The following KIDINS220 variants were observed in gnomAD, a reference collection of about 807,000 sequenced individuals.
The protein encoded by KIDINS220 is kinase D interacting substrate 220.
In KIDINS220, 63 loss-of-function variants were observed where a neutral mutation model predicts 157.6. The observed-to-expected ratio is 0.40, with a 90% CI of 0.33 to 0.49. The LOEUF is 0.49. KIDINS220 is among the 20% of genes least tolerant of loss of function. KIDINS220 has a pLI of 0.66. For missense variants in KIDINS220, 1,772 were observed against 2,171.2 expected (o/e 0.82, Z 3.65); for synonymous variants, 732 against 783.6 (o/e 0.93, Z 1.10).
intron 8 of KIDINS220, among the ~76,000 whole-genome samples, chr2:8,802,044 C>G (rs757796905): frequency 1.9e-4 from 29 of 152,270 alleles, no homozygotes; most frequent in Admixed American, 1.0e-3. Flanking sequence ...GCTGCAAAGG[C>G]CCCACAGCAG....
intron 22 of KIDINS220, among the ~76,000 whole-genome samples, chr2:8,755,144 C>T (rs1002109701): frequency 1.3e-5 from 2 of 152,228 alleles, no homozygotes; most frequent in Non-Finnish European, 2.9e-5. Flanking sequence ...TTTATACACC[C>T]ACTGCCATCT....
At chr2:8,775,624 G>A (rs1380089400) in intron 21 of KIDINS220, among the ~76,000 whole-genome samples, 1 of 152,176 alleles carries the variant, frequency 6.6e-6, no homozygotes, top group Non-Finnish European at 1.5e-5. Flanking sequence ...ACTGAACTGA[G>A]AGCAAGAGAT....
chr2:8,806,032 T>C (rs1675394632), intron 7 of KIDINS220, among the ~76,000 whole-genome samples: 1 of 152,208 alleles, frequency 6.6e-6, no homozygotes, highest in South Asian at 2.1e-4. Flanking sequence ...AGCTATTCTT[T>C]ATACTTTTAG....
chr2:8,759,372 T>C (rs1668453389), intron 22 of KIDINS220, among the ~76,000 whole-genome samples: 1 of 151,860 alleles, frequency 6.6e-6, no homozygotes, highest in Admixed American at 6.6e-5. Flanking sequence ...TACTCGACAT[T>C]AAACAAAAAC....
At chr2:8,790,859 G>A (rs1458424246) in intron 13 of KIDINS220, among the ~76,000 whole-genome samples, 1 of 152,198 alleles carries the variant, frequency 6.6e-6, no homozygotes, top group Non-Finnish European at 1.5e-5. Flanking sequence ...AGGGTTTTAT[G>A]TGGGGTTATC....
rs752251477 is a variant in KIDINS220, at chr2:8,796,884, A to G, written c.1000-15T>C. On this transcript the variant is annotated splice_polypyrimidine_tract_variant and intron_variant, in intron 10 of 29. Transcript: ENST00000256707. ...GTTTCACCATCCTGTGGGCACAAAT[A>G]AGAACATTTGCCAGATTAATAGCTT... 1 of 1,593,490 alleles carries G rather than the reference A, an allele frequency of 6.3e-7. No individual in the cohort carries two copies. Among genetic ancestry groups the G allele is most frequent in the African/African-American group, 1.3e-5 (1 of 74,484 alleles).
intron 22 of KIDINS220, among the ~76,000 whole-genome samples, chr2:8,753,691 A>C (rs1667648853): frequency 6.6e-6 from 1 of 152,220 alleles, no homozygotes; most frequent in African/African-American, 2.4e-5. Flanking sequence ...CAAAAAGTGA[A>C]ATGGGAACCT....
intron 2 of KIDINS220, among the ~76,000 whole-genome samples, chr2:8,825,575 A>G (rs1313005596): frequency 6.6e-6 from 1 of 152,154 alleles, no homozygotes; most frequent in African/African-American, 2.4e-5. Flanking sequence ...ATACAAACAC[A>G]TAAGTATATA....
intron 22 of KIDINS220, chr2:8,757,403 T>C (rs1164660002): frequency 3.4e-6 from 4 of 1,183,606 alleles, no homozygotes; most frequent in Non-Finnish European, 4.2e-6. Context: ...GTTCAGTAAA[T>C]GCCAACAGTC....
chr2:8,731,550 A>G lies in KIDINS220; in HGVS notation c.4486T>C (p.Ser1496Pro). 6.2e-7 allele frequency: 1 copy of G among 1,614,142 alleles called. No homozygotes were observed. Among genetic ancestry groups the G allele is most frequent in the Non-Finnish European group, 8.5e-7 (1 of 1,180,008 alleles). The change falls in exon 30 of 30, where the codon TCT (serine) becomes CCT (proline). Residue 1496 changes from serine to proline, a missense_variant. By Grantham distance (74) the Ser-to-Pro change is moderately conservative (BLOSUM62 -1). Coordinates refer to ENST00000256707, the MANE Select transcript of KIDINS220 (RefSeq NM_020738.4). The surrounding 1 kb of genome is among the most constrained non-coding windows in gnomAD (Gnocchi z 5.2). ...SGSKLLPGKK[S>P]SERSSLFQTD... ...TGGAAGAGGCTTGACCTTTCGGAAGATTTCTTGCCTGGGAGAAGCTTACTG... is the reference window on the plus strand; with the variant it reads ...TGGAAGAGGCTTGACCTTTCGGAAGGTTTCTTGCCTGGGAGAAGCTTACTG...
At chr2:8,801,252 G>A (rs1186038126) in intron 8 of KIDINS220, among the ~76,000 whole-genome samples, 1 of 152,154 alleles carries the variant, frequency 6.6e-6, no homozygotes, top group African/African-American at 2.4e-5. Flanking sequence ...TGTTGAATGA[G>A]CCCATGGGCT....
intron 4 of KIDINS220, among the ~76,000 whole-genome samples, chr2:8,815,111 A>C (rs1308847893): frequency 1.3e-5 from 2 of 152,188 alleles, no homozygotes; most frequent in East Asian, 3.8e-4. Context: ...CAATTTGAAT[A>C]ATGTCCCAGC....
Position 8,730,215 on chromosome 2 carries a change from C to T in KIDINS220, c.*505G>A, listed in dbSNP as rs964782599. Reference sequence around the variant, plus strand: ...TAAGCAATACCCCTGCCATACAGAACGCTGGATCTCGGTTTACTCAGCCTC... The same window carrying T: ...TAAGCAATACCCCTGCCATACAGAATGCTGGATCTCGGTTTACTCAGCCTC... On this transcript the variant is annotated 3_prime_UTR_variant, in exon 30 of 30. Coordinates refer to ENST00000256707, the MANE Select transcript of KIDINS220 (RefSeq NM_020738.4). The T allele has an allele frequency of 1.5e-5, 15 of 987,740 alleles. No homozygotes were observed. The highest frequency in any genetic ancestry group is 5.2e-4 in the Middle Eastern group (1 of 1,920). 61.2% of individuals were successfully genotyped at this position (987,740 alleles called of 1,614,324 possible). A position where few individuals can be genotyped will look rare whatever the true frequency, so the allele number is the denominator to read the frequency against.
intron 22 of KIDINS220, among the ~76,000 whole-genome samples, chr2:8,764,121 T>C (rs974335242): frequency 3.9e-5 from 6 of 152,238 alleles, no homozygotes; most frequent in Non-Finnish European, 1.5e-5. Context: ...AGGCCATTAT[T>C]CTAAGTGAAG....
chr2:8,802,496 A>AT (rs762122956), intron 8 of KIDINS220, among the ~76,000 whole-genome samples: 7 of 152,250 alleles, frequency 4.6e-5, no homozygotes, highest in Non-Finnish European at 8.8e-5. Flanking sequence ...AAGAGGCTGA[A>AT]TGATGGTACC....
rs769937382 is a variant in KIDINS220 at position 8,730,777 on chromosome 2, A to G, written c.5259T>C (p.His1753=). ...CTGTGCTCTCAGAAGAGGCTGCTGC[A>G]TGGAGCTCCGGAGGATCTTTGGAGA... ...TRLSKDPPEL[H]AAASSESTGF... The change falls in exon 30 of 30, where the codon CAT becomes CAC. Residue 1753 remains histidine, a synonymous_variant. Coordinates refer to ENST00000256707, the MANE Select transcript of KIDINS220 (RefSeq NM_020738.4). 3 of 1,614,230 alleles carry G rather than the reference A, an allele frequency of 1.9e-6. No homozygotes were observed. Among genetic ancestry groups the G allele is most frequent in the East Asian group, 2.2e-5 (1 of 44,890 alleles).
intron 8 of KIDINS220, 134 bp from the exon 9 acceptor site, chr2:8,800,632 G>C: frequency 3.2e-6 from 2 of 631,196 alleles, no homozygotes; most frequent in Admixed American, 3.0e-5. Flanking sequence ...CTAAATAAGA[G>C]AAAAATGTTA....
intron 25 of KIDINS220, 194 bp from the exon 26 acceptor site, chr2:8,747,395 C>A: frequency 1.8e-6 from 1 of 568,950 alleles, no homozygotes; most frequent in Non-Finnish European, 3.1e-6. Flanking sequence ...TCAGGAACCT[C>A]TAATATTTTG....
chr2:8,764,906 G>A (rs1669260030), intron 22 of KIDINS220, among the ~76,000 whole-genome samples: 1 of 152,178 alleles, frequency 6.6e-6, no homozygotes, highest in Non-Finnish European at 1.5e-5. Flanking sequence ...GTCTCATTCA[G>A]GAGACAAATA....
Sources: gnomAD v4.1 joint callset for allele counts (sites outside exome capture counted in the v4.1 genomes callset) on GRCh38, gnomAD v4.1.1 for gene constraint, Gnocchi (gnomAD v3.1) non-coding constraint, MANE v1.5 for transcripts, NCBI Gene and HGNC (gene_info 2026-07-23, HGNC 2026-07-21) for gene names.